The following CMIP variants were observed in gnomAD, a reference collection of about 807,000 sequenced individuals.
CMIP encodes c-Maf inducing protein.
CMIP carries 13 observed loss-of-function variants against 97.3 expected under a neutral mutation model. The observed-to-expected ratio is 0.13, with a 90% CI of 0.09 to 0.21. The LOEUF (loss-of-function observed/expected upper bound fraction) is 0.21. Among genes scored for constraint, CMIP ranks in the 10% least tolerant of loss-of-function variants. CMIP has a pLI of 1.00. For synonymous variants in CMIP, 538 were observed against 436.3 expected (o/e 1.23, Z -2.91); for missense variants, 847 against 1,024.9 (o/e 0.83, Z 2.37).
chr16:81,450,755 T>C (rs1243078077), intron 1 of CMIP, among the ~76,000 whole-genome samples: 1 of 152,210 alleles, frequency 6.6e-6, no homozygotes, highest in African/African-American at 2.4e-5. Context: ...GTCTAGTTTC[T>C]TAAAATAAAT....
intron 19 of CMIP, 109 bp downstream of exon 19, chr16:81,705,713 A>C: frequency 1.5e-6 from 1 of 668,740 alleles, no homozygotes; most frequent in South Asian, 1.9e-5. Context: ...AGATAGAGAA[A>C]TTCGTTCATT....
chr16:81,444,921 C>T lies in CMIP; in HGVS notation c.-321C>T, dbSNP rs1156828003. Among the ~76,000 whole-genome samples the T allele has an allele frequency of 1.5e-5, 2 of 134,278 alleles. No individual in the cohort carries two copies. Among genetic ancestry groups the T allele is most frequent in the African/African-American group, 5.4e-5 (2 of 37,268 alleles). The allele number at this position is 134,278 out of a possible 152,430, so 88.1% of individuals were successfully genotyped here. A position where few individuals can be genotyped will look rare whatever the true frequency, so the allele number is the denominator to read the frequency against. ...CCGCCCCCACCCCGGCGCCCGCCCT[C>T]CGCGCCTGGCCCCGGCCCGCCCTCG... On this transcript the variant is annotated 5_prime_UTR_variant, in exon 1 of 21. Transcript: ENST00000537098.
chr16:81,464,751 A>C (rs1907100133), intron 1 of CMIP: 1 of 152,148 alleles, frequency 6.6e-6, no homozygotes, highest in Admixed American at 6.5e-5. Context: ...CTGCTGTTCT[A>C]CTTGCTGTCT....
chr16:81,698,882 A>C (rs186520107), intron 14 of CMIP, among the ~76,000 whole-genome samples: 1 of 152,206 alleles, frequency 6.6e-6, no homozygotes, highest in Admixed American at 6.5e-5. Flanking sequence ...CTTCAACGTA[A>C]TAAGTGTTTC....
chr16:81,625,842 A>T (rs897009761), intron 3 of CMIP, among the ~76,000 whole-genome samples: 10 of 152,200 alleles, frequency 6.6e-5, no homozygotes, highest in Admixed American at 6.5e-4. Flanking sequence ...GCCGAGGCAC[A>T]CTAGTCCTGG....
chr16:81,613,686 G>T (rs909288898), intron 2 of CMIP, among the ~76,000 whole-genome samples: 1 of 152,220 alleles, frequency 6.6e-6, no homozygotes, highest in Non-Finnish European at 1.5e-5. Flanking sequence ...ACAGTTTGGG[G>T]AAGAGAGGGA....
chr16:81,551,259 C>T (rs1379302599), intron 1 of CMIP, among the ~76,000 whole-genome samples: 2 of 152,144 alleles, frequency 1.3e-5, no homozygotes, highest in Non-Finnish European at 2.9e-5. Context: ...ACCCCAGTTC[C>T]ATCACACACA....
chr16:81,696,530 C>G, intron 13 of CMIP, 30 bp from the exon 14 acceptor site: 5 of 1,592,846 alleles, frequency 3.1e-6, no homozygotes, highest in Non-Finnish European at 4.3e-6. Context: ...CTGCATGCAG[C>G]TCACACTTGT....
At chr16:81,662,210 C>G (rs1039584770) in intron 6 of CMIP, among the ~76,000 whole-genome samples, 5 of 152,192 alleles carry the variant, frequency 3.3e-5, no homozygotes, top group African/African-American at 9.7e-5. Context: ...CAAACCTGCC[C>G]CATGCTTGCC....
At chr16:81,702,794 C>T in intron 17 of CMIP, 125 bp downstream of exon 17, 1 of 813,930 alleles carries the variant, frequency 1.2e-6, no homozygotes, top group Non-Finnish European at 2.1e-6. Context: ...CAAGGACCCC[C>T]TAGTACTTAA....
Position 81,445,303 on chromosome 16 carries a change from C to T in CMIP, c.62C>T (p.Pro21Leu), listed in dbSNP as rs747343574. 1.3e-6 allele frequency: 2 copies of T among 1,565,560 alleles called. No individual in the cohort carries two copies. The highest frequency in any genetic ancestry group is 1.7e-6 in the Non-Finnish European group (2 of 1,156,926). The stretch of plus-strand genomic sequence containing the variant: ...CCCCGGCAGATCGAGGAGACCAAGC[C>T]GCTGCTGGGGGGCGACGTGTCGGCC... ...GDPRQIEETK[P>L]LLGGDVSAPE... The change falls in exon 1 of 21, where the codon CCG becomes CTG. Residue 21 changes from proline to leucine, a missense_variant. Pro to Leu is a moderately conservative substitution (Grantham distance 98). This residue lies in a region of CMIP where 94 missense variants were observed against 79.9 expected (regional missense o/e 1.18). Transcript: ENST00000537098.
chr16:81,597,253 C>G (rs1266131911), intron 1 of CMIP, among the ~76,000 whole-genome samples: 1 of 152,178 alleles, frequency 6.6e-6, no homozygotes, highest in Non-Finnish European at 1.5e-5. Flanking sequence ...ATTTAGGATT[C>G]TGTTTGCACT....
intron 1 of CMIP, among the ~76,000 whole-genome samples, chr16:81,549,776 G>C (rs2090616989): frequency 6.6e-6 from 1 of 152,234 alleles, no homozygotes. Context: ...CAGGGTGCTG[G>C]CTGGTTCCTC....
At chr16:81,561,795 T>C (rs368494335) in intron 1 of CMIP, among the ~76,000 whole-genome samples, 10 of 152,272 alleles carry the variant, frequency 6.6e-5, no homozygotes, top group African/African-American at 2.4e-4. Context: ...ATTGAAGCAA[T>C]AAAGTTGAAA....
At chr16:81,590,823 TCATCCATCCATC>T (rs79228744) in intron 1 of CMIP, among the ~76,000 whole-genome samples, 11,308 of 150,600 alleles carry the variant, frequency 0.075, 881 homozygotes, top group African/African-American at 0.2. Context: ...TCACTTTCTC[TCATCCATCCATC>T]CATCCATCCA....
intron 2 of CMIP, among the ~76,000 whole-genome samples, chr16:81,612,820 G>A (rs570835345): frequency 1.3e-5 from 2 of 151,970 alleles, no homozygotes; most frequent in Admixed American, 1.3e-4. Context: ...TCTCCTCTGA[G>A]TGACCCTCAG....
At chr16:81,493,825 G>T (rs1291351415) in intron 1 of CMIP, among the ~76,000 whole-genome samples, 1 of 152,220 alleles carries the variant, frequency 6.6e-6, no homozygotes, top group Non-Finnish European at 1.5e-5. Context: ...CAGCAGCCGG[G>T]ACCGGGATTG....
intron 1 of CMIP, among the ~76,000 whole-genome samples, chr16:81,524,621 A>G (rs1368168611): frequency 6.6e-6 from 1 of 152,218 alleles, no homozygotes; most frequent in African/African-American, 2.4e-5. Flanking sequence ...AATTGAGGTC[A>G]GAGAGGTGAA....
intron 1 of CMIP, chr16:81,463,788 C>G (rs1448319740): frequency 6.6e-6 from 1 of 152,384 alleles, no homozygotes; most frequent in Admixed American, 6.5e-5. Context: ...AAACCCAGGT[C>G]AGGCCGACTC....
Sources: allele counts gnomAD v4.1 joint callset (sites outside exome capture counted in the v4.1 genomes callset), GRCh38; gene constraint gnomAD v4.1.1; regional missense constraint gnomAD v4.1.1; transcripts MANE v1.5; gene names NCBI Gene and HGNC (gene_info 2026-07-23, HGNC 2026-07-21).